Variants in QTMAN observed in about 807,000 individuals in gnomAD.
The protein encoded by QTMAN is queuosine-tRNA mannosyltransferase.
the QTMAN span, among the ~76,000 whole-genome samples, chr2:144,302,393 C>CT: frequency 5.9e-5 from 9 of 152,276 alleles, no homozygotes; most frequent in African/African-American, 2.2e-4. Context: ...ATCTCCCTGT[C>CT]TTTACTGAAC....
the QTMAN span, among the ~76,000 whole-genome samples, chr2:144,181,522 T>A: frequency 6.6e-6 from 1 of 152,120 alleles, no homozygotes; most frequent in African/African-American, 2.4e-5. Flanking sequence ...ATAATAATTT[T>A]AATAACTTGG....
At chr2:144,256,548 CAGGGACATGAATGA>C in the QTMAN span, among the ~76,000 whole-genome samples, 2 of 152,060 alleles carry the variant, frequency 1.3e-5, no homozygotes, top group African/African-American at 4.8e-5. Flanking sequence ...ATGTCCTTTG[CAGGGACATGAATGA>C]AGCTGGAAAC....
chr2:144,249,887 G>C, the QTMAN span, among the ~76,000 whole-genome samples: 4 of 152,028 alleles, frequency 2.6e-5, no homozygotes, highest in African/African-American at 9.6e-5. Flanking sequence ...ATCAATTTTC[G>C]AAAAATATAT....
chr2:144,144,362 C>A, the QTMAN span, among the ~76,000 whole-genome samples: 2 of 151,712 alleles, frequency 1.3e-5, no homozygotes, highest in African/African-American at 4.8e-5. Context: ...TTTAAAGCCA[C>A]CCATAAAGGA....
the QTMAN span, chr2:144,006,289 A>T: frequency 3.9e-5 from 6 of 152,104 alleles, no homozygotes; most frequent in Admixed American, 3.3e-4. Flanking sequence ...GAGAGCTTCT[A>T]GAGTTTTAAT....
At chr2:144,210,574 TGTGA>T in the QTMAN span, among the ~76,000 whole-genome samples, 1 of 152,140 alleles carries the variant, frequency 6.6e-6, no homozygotes, top group Non-Finnish European at 1.5e-5. Flanking sequence ...CTGCAGGTTT[TGTGA>T]GTAAGAGGTA....
the QTMAN span, among the ~76,000 whole-genome samples, chr2:144,221,150 T>C: frequency 6.6e-6 from 1 of 152,224 alleles, no homozygotes; most frequent in Non-Finnish European, 1.5e-5. Context: ...TGAAAGCTGC[T>C]ACCCAATCGA....
the QTMAN span, among the ~76,000 whole-genome samples, chr2:144,128,676 T>C: frequency 4.6e-5 from 7 of 151,998 alleles, no homozygotes; most frequent in Non-Finnish European, 8.8e-5. Context: ...ACCTCTCTAC[T>C]GTAGTTTCCC....
At chr2:144,283,804 C>T in the QTMAN span, among the ~76,000 whole-genome samples, 435 of 152,050 alleles carry the variant, frequency 2.9e-3, 7 homozygotes, top group African/African-American at 1.0e-2. Context: ...TGAGAACTAC[C>T]ATCCATTGAA....
chr2:143,973,992 C>T, the QTMAN span, among the ~76,000 whole-genome samples: 1 of 152,122 alleles, frequency 6.6e-6, no homozygotes, highest in Non-Finnish European at 1.5e-5. Context: ...TTAATGAACC[C>T]ATTTAGCATA....
chr2:144,300,341 G>A, the QTMAN span, among the ~76,000 whole-genome samples: 1 of 152,020 alleles, frequency 6.6e-6, no homozygotes, highest in African/African-American at 2.4e-5. Context: ...TATACAAATT[G>A]TATGAGAAAA....
chr2:144,237,763 G>C, the QTMAN span, among the ~76,000 whole-genome samples: 1 of 152,004 alleles, frequency 6.6e-6, no homozygotes, highest in Non-Finnish European at 1.5e-5. Context: ...CTCATACCAG[G>C]GTTGGTCTGA....
At chr2:144,312,624 C>G in the QTMAN span, among the ~76,000 whole-genome samples, 2 of 152,182 alleles carry the variant, frequency 1.3e-5, no homozygotes, top group Non-Finnish European at 2.9e-5. Context: ...AGAAATGTTA[C>G]GTGATATGGT....
chr2:144,203,744 TATA>T, the QTMAN span, among the ~76,000 whole-genome samples: 1 of 152,128 alleles, frequency 6.6e-6, no homozygotes, highest in Non-Finnish European at 1.5e-5. Context: ...AATTGTAAAA[TATA>T]ATAATATATA....
chr2:144,260,653 T>A, the QTMAN span, among the ~76,000 whole-genome samples: 7 of 152,030 alleles, frequency 4.6e-5, no homozygotes, highest in African/African-American at 1.4e-4. Context: ...GACATTAAAC[T>A]GTATTAAACT....
At chr2:144,008,496 TGCAACCCAA>T in the QTMAN span, among the ~76,000 whole-genome samples, 1 of 151,894 alleles carries the variant, frequency 6.6e-6, no homozygotes, top group South Asian at 2.1e-4. Context: ...GGAAATAACA[TGCAACCCAA>T]AGAGACTGGG....
the QTMAN span, among the ~76,000 whole-genome samples, chr2:144,163,660 A>C: frequency 9.2e-5 from 14 of 152,248 alleles, no homozygotes; most frequent in African/African-American, 3.1e-4. Context: ...TTATATGGCA[A>C]ACAGTGCCAG....
the QTMAN span, among the ~76,000 whole-genome samples, chr2:143,981,724 G>A: frequency 1.9e-4 from 29 of 152,144 alleles, no homozygotes; most frequent in African/African-American, 6.8e-4. Context: ...AGCAGCAACT[G>A]CTAAGTATAC....
At chr2:143,984,971 T>A in the QTMAN span, among the ~76,000 whole-genome samples, 8 of 152,106 alleles carry the variant, frequency 5.3e-5, 1 homozygote, top group Admixed American at 5.2e-4. Context: ...GAGGGCAGGG[T>A]GTAAAAGGCT....
Sources: gnomAD v4.1 joint callset for allele counts (sites outside exome capture counted in the v4.1 genomes callset) on GRCh38, gnomAD v4.1.1 for gene constraint, MANE v1.5 for transcripts, NCBI Gene and HGNC (gene_info 2026-07-23, HGNC 2026-07-21) for gene names.